MYEF2: variants seen among roughly 807,000 people sequenced by gnomAD.
MYEF2 encodes the protein myelin gene expression factor 2.
In MYEF2, 37 loss-of-function variants were observed where a neutral mutation model predicts 75.2. The observed-to-expected ratio is 0.49, with a 90% CI of 0.38 to 0.65. The LOEUF (loss-of-function observed/expected upper bound fraction) is 0.65, where lower values mean the gene tolerates loss of function less well. Among genes scored for constraint, MYEF2 ranks in the 30% least tolerant of loss-of-function variants. MYEF2 has a pLI of 0.00. For synonymous variants in MYEF2, 195 were observed against 241.6 expected (o/e 0.81, Z 1.79); for missense variants, 634 against 771.4 (o/e 0.82, Z 2.11).
At chr15:48,175,189 A>G (rs2040474013) in intron 1 of MYEF2, among the ~76,000 whole-genome samples, 1 of 152,164 alleles carries the variant, frequency 6.6e-6, no homozygotes, top group African/African-American at 2.4e-5. Flanking sequence ...CCTAGAGGAC[A>G]TTGGGCTATG....
chr15:48,158,037 T>C lies in MYEF2; in HGVS notation c.941A>G (p.His314Arg), dbSNP rs1295723690. ...ACCATCATGTGAACGGTACTCTTCA[T>C]GAGGAACAGACTTGTCATCCTAATT... ...HVKMDDKSVP[H>R]EEYRSHDGKT... The change falls in exon 9 of 17, where the codon CAT becomes CGT. Residue 314 changes from histidine (H) to arginine (R), a missense_variant. Coordinates refer to ENST00000324324, the MANE Select transcript of MYEF2 (RefSeq NM_016132.5). 3.7e-6 allele frequency: 6 copies of C among 1,613,178 alleles called. No individual in the cohort carries two copies. In the Admixed American group the frequency reaches 5.0e-5, roughly 13 times the overall value.
Position 48,149,120 on chromosome 15 carries a change from GA to G in MYEF2, c.1588-38del, listed in dbSNP as rs748649854. ...AGAGGTATTAGTAACATATATACAA[GA>G]AAAAAAAGAATTTGAATTATCCTTA... On this transcript the variant is annotated intron_variant, in intron 15 of 16. Transcript: ENST00000324324. This position sits in a 1 kb window ranked among gnomAD's most constrained non-coding sequence, Gnocchi z 4.0. 40 of 1,611,606 alleles carry G rather than the reference GA, an allele frequency of 2.5e-5. No individual in the cohort carries two copies. In the South Asian group the frequency reaches 2.7e-4, roughly 11 times the overall value.
Position 48,137,119 on chromosome 15 carries a change from C to A in MYEF2, c.*5789G>T. On this transcript the variant is annotated 3_prime_UTR_variant, in exon 17 of 17. Coordinates refer to ENST00000324324, the MANE Select transcript of MYEF2 (RefSeq NM_016132.5). Reference sequence around the variant, plus strand: ...CAAGTCCCTACCTTTAAGGAACTTCCAATATCACAGGAAATACAAAATAGC... The same window carrying A: ...CAAGTCCCTACCTTTAAGGAACTTCAAATATCACAGGAAATACAAAATAGC... The A allele has an allele frequency of 1.5e-6, 1 of 689,296 alleles. No individual in the cohort carries two copies. The highest frequency in any genetic ancestry group is 2.3e-6 in the Non-Finnish European group (1 of 433,600). The allele number at this position is 689,296 out of a possible 1,614,324, so 42.7% of individuals were successfully genotyped here.
intron 1 of MYEF2, 106 bp downstream of exon 1, chr15:48,177,971 G>T: frequency 7.1e-7 from 1 of 1,417,268 alleles, no homozygotes; most frequent in Non-Finnish European, 9.5e-7. Context: ...GGGCGGGCCG[G>T]GGTCTGGGGG....
At chr15:48,157,926 T>A (rs888372871) in intron 9 of MYEF2, 67 bp downstream of exon 9, 3 of 1,588,048 alleles carry the variant, frequency 1.9e-6, no homozygotes, top group Non-Finnish European at 2.6e-6. Flanking sequence ...AAACAAAGTG[T>A]TGCTTAGCAC....
chr15:48,176,249 G>T (rs1432983721), intron 1 of MYEF2, among the ~76,000 whole-genome samples: 1 of 148,312 alleles, frequency 6.7e-6, no homozygotes, highest in Non-Finnish European at 1.5e-5. Flanking sequence ...AAAAGGACTA[G>T]GTCGCTAGTT....
Position 48,137,251 on chromosome 15 carries a change from A to G in MYEF2, c.*5657T>C. 1 of 303,654 alleles carries G rather than the reference A, an allele frequency of 3.3e-6. No homozygotes were observed. The highest frequency in any genetic ancestry group is 6.1e-6 in the Non-Finnish European group (1 of 165,036). The allele number at this position is 303,654 out of a possible 1,614,324, so 18.8% of individuals were successfully genotyped here. A position where few individuals can be genotyped will look rare whatever the true frequency, so the allele number is the denominator to read the frequency against. On this transcript the variant is annotated 3_prime_UTR_variant, in exon 17 of 17. Coordinates refer to ENST00000324324, the MANE Select transcript of MYEF2 (RefSeq NM_016132.5). ...TGGTGAGGACAGATAGGAGATTTTC[A>G]CAGAGAAGGGAGCATTTAAATTGGG...
At position 48,159,640 on chromosome 15, in the gene MYEF2, T is replaced by A; in HGVS notation, c.690A>T (p.Arg230Ser). 1 of 1,611,460 alleles carries A rather than the reference T, an allele frequency of 6.2e-7. No individual in the cohort carries two copies. Among genetic ancestry groups the A allele is most frequent in the African/African-American group, 1.3e-5 (1 of 74,930 alleles). The stretch of plus-strand genomic sequence containing the variant: ...TGGCAACAAAAATTGTGGAACCAAG[T>A]CTACCGGCCTGCAAATTACTGATGA... ...PEVISNLQAG[R>S]LGSTIFVANL... The change falls in exon 6 of 17, where the codon AGA (arginine) becomes AGT (serine). Residue 230 changes from arginine (R) to serine (S), a missense_variant. Physicochemically the swap from Arg to Ser is moderately radical, Grantham distance 110 (BLOSUM62 -1). Transcript: ENST00000324324.
At chr15:48,171,747 T>C (rs187549130) in intron 1 of MYEF2, among the ~76,000 whole-genome samples, 1 of 152,240 alleles carries the variant, frequency 6.6e-6, no homozygotes, top group Admixed American at 6.5e-5. Context: ...AGTAAAAATA[T>C]ATGTGAAAAC....
chr15:48,139,048 A>G lies in MYEF2; in HGVS notation c.*3860T>C. The G allele has an allele frequency of 4.3e-6, 7 of 1,613,042 alleles. No individual in the cohort carries two copies. Among genetic ancestry groups the G allele is most frequent in the Non-Finnish European group, 5.9e-6 (7 of 1,179,258 alleles). On this transcript the variant is annotated 3_prime_UTR_variant, in exon 17 of 17. Coordinates refer to ENST00000324324, the MANE Select transcript of MYEF2 (RefSeq NM_016132.5). ...TATTATCCCTTCCTATTATTACATTACTTTTTCTAACCACACCAGATTGTA... is the reference window on the plus strand; with the variant it reads ...TATTATCCCTTCCTATTATTACATTGCTTTTTCTAACCACACCAGATTGTA...
At chr15:48,165,380 G>A (rs909523317) in intron 5 of MYEF2, among the ~76,000 whole-genome samples, 2 of 151,968 alleles carry the variant, frequency 1.3e-5, no homozygotes, top group African/African-American at 4.8e-5. Flanking sequence ...TTGTCAACCT[G>A]TTTACACTGC....
At chr15:48,168,922 T>C (rs537315126) in intron 1 of MYEF2, 83 bp from the exon 2 acceptor site, 16 of 1,066,042 alleles carry the variant, frequency 1.5e-5, no homozygotes, top group Non-Finnish European at 2.1e-5. Flanking sequence ...AAGTATTCCA[T>C]ATTTATCACC....
chr15:48,163,651 G>T (rs1337056646), intron 5 of MYEF2, among the ~76,000 whole-genome samples: 1 of 152,168 alleles, frequency 6.6e-6, no homozygotes. Flanking sequence ...GGAGAAGTCA[G>T]TGTTTGGCTT....
chr15:48,177,930 G>T, intron 1 of MYEF2, 147 bp downstream of exon 1: 1 of 1,112,954 alleles, frequency 9.0e-7, no homozygotes, highest in Non-Finnish European at 1.3e-6. Flanking sequence ...CGGCCCAGCT[G>T]CACCTGCTCC....
intron 10 of MYEF2, chr15:48,152,611 AT>A (rs893898661): frequency 2.1e-3 from 510 of 243,474 alleles, no homozygotes; most frequent in Middle Eastern, 3.9e-3. Flanking sequence ...ACTATCAATG[AT>A]TTTTTTTTTC....
rs775417370 is a variant in MYEF2 at position 48,165,899 on chromosome 15, C to T, written c.525+34G>A. Reference sequence around the variant, plus strand: ...TCCAAGGAAAACATGTCTTTATAGTCAAATGTTTAAATTCTAAATATGAGA... The same window carrying T: ...TCCAAGGAAAACATGTCTTTATAGTTAAATGTTTAAATTCTAAATATGAGA... On this transcript the variant is annotated intron_variant, in intron 5 of 16. Coordinates refer to ENST00000324324, the MANE Select transcript of MYEF2 (RefSeq NM_016132.5). The T allele has an allele frequency of 2.1e-6, 3 of 1,397,340 alleles. No individual in the cohort carries two copies. The East Asian group carries it at 7.0e-5, about 33-fold the overall frequency. The allele number at this position is 1,397,340 out of a possible 1,614,324, so 86.6% of individuals were successfully genotyped here. A position where few individuals can be genotyped will look rare whatever the true frequency, so the allele number is the denominator to read the frequency against.
In MYEF2 at chr15:48,136,766, T is replaced by TA; in HGVS notation, c.*6141dup. The TA allele has an allele frequency of 6.2e-7, 1 of 1,613,568 alleles. No homozygotes were observed. The highest frequency in any genetic ancestry group is 8.5e-7 in the Non-Finnish European group (1 of 1,179,764). On this transcript the variant is annotated 3_prime_UTR_variant, in exon 17 of 17. Coordinates refer to ENST00000324324, the MANE Select transcript of MYEF2 (RefSeq NM_016132.5). ...GACATTAAAATTAACCAATATATTA[T>TA]AAAGAAATGCAGTCCTTGCTGCGCC...
Position 48,151,562 on chromosome 15 carries a change from C to T in MYEF2, c.1217G>A (p.Arg406His), listed in dbSNP as rs373592160. 6.0e-5 allele frequency: 97 copies of T among 1,604,578 alleles called. No homozygotes were observed. The highest frequency in any genetic ancestry group is 7.7e-5 in the Non-Finnish European group (91 of 1,177,216). ...CTCCATGCTACTAGTCATCGCACCA[C>T]GGTACAGCTCTGAAAAAATTGTGCA... Reference protein sequence around the residue: ...GGVGRMGELYRGAMTSSMERD... With the variant: ...GGVGRMGELYHGAMTSSMERD... Residue 406 changes from arginine (R) to histidine (H), a missense_variant, in exon 13 of 17, where the codon CGT (arginine) becomes CAT (histidine). Physicochemically the swap from Arg to His is conservative, Grantham distance 29 (BLOSUM62 0). Transcript: ENST00000324324.
chr15:48,176,315 G>A (rs534348082), intron 1 of MYEF2, among the ~76,000 whole-genome samples: 1 of 150,794 alleles, frequency 6.6e-6, no homozygotes, highest in Non-Finnish European at 1.5e-5. Flanking sequence ...GGAATAGACA[G>A]TAAGAGAAAT....
Sources: gnomAD v4.1 joint callset for allele counts (sites outside exome capture counted in the v4.1 genomes callset) on GRCh38, gnomAD v4.1.1 for gene constraint, Gnocchi (gnomAD v3.1) non-coding constraint, MANE v1.5 for transcripts, NCBI Gene and HGNC (gene_info 2026-07-23, HGNC 2026-07-21) for gene names.